ATRNL1: variants seen among roughly 807,000 people sequenced by gnomAD.
The protein encoded by ATRNL1 is attractin-like protein 1.
A neutral mutation model predicts 182.7 loss-of-function variants in ATRNL1; 95 were observed. The observed-to-expected ratio is 0.52, with a 90% confidence interval of 0.44 to 0.62. The LOEUF (loss-of-function observed/expected upper bound fraction) is 0.62, where lower values mean the gene tolerates loss of function less well. Among genes scored for constraint, ATRNL1 ranks in the 20% least tolerant of loss-of-function variants. The pLI, the probability that ATRNL1 is intolerant of heterozygous loss-of-function variation, is 0.00. For missense variants in ATRNL1, 1,471 were observed against 1,679.5 expected, an observed-to-expected ratio of 0.88 and a Z score of 2.17; for synonymous variants, 576 against 568.3, an observed-to-expected ratio of 1.01 and a Z score of -0.19.
intron 20 of ATRNL1, among the ~76,000 whole-genome samples, chr10:115,395,449 G>T (rs562260639): frequency 1.6e-3 from 249 of 151,930 alleles, no homozygotes; most frequent in South Asian, 3.3e-3. Flanking sequence ...CATAGAACAT[G>T]TTATCTTTTG....
intron 1 of ATRNL1, among the ~76,000 whole-genome samples, chr10:115,113,703 A>C (rs1844356923): frequency 6.6e-6 from 1 of 152,160 alleles, no homozygotes; most frequent in African/African-American, 2.4e-5. Context: ...TGGAACTGTA[A>C]GTCCATTAAA....
At chr10:115,187,199 G>A (rs1272268425) in intron 8 of ATRNL1, among the ~76,000 whole-genome samples, 1 of 150,648 alleles carries the variant, frequency 6.6e-6, no homozygotes, top group Admixed American at 6.6e-5. Flanking sequence ...TAACAAAAAT[G>A]AGCAGCAGAG....
chr10:115,644,976 A>G (rs1413614933), intron 26 of ATRNL1, among the ~76,000 whole-genome samples: 1 of 152,134 alleles, frequency 6.6e-6, no homozygotes, highest in East Asian at 1.9e-4. Context: ...GTCACTTGCA[A>G]GATAGAAAGG....
At chr10:115,497,505 A>G (rs1048675269) in intron 24 of ATRNL1, among the ~76,000 whole-genome samples, 1 of 151,882 alleles carries the variant, frequency 6.6e-6, no homozygotes, top group Non-Finnish European at 1.5e-5. Flanking sequence ...CATGGGTCAC[A>G]TTTTTTCCTT....
chr10:115,308,969 A>T (rs1284336903), intron 17 of ATRNL1, among the ~76,000 whole-genome samples: 2 of 152,092 alleles, frequency 1.3e-5, no homozygotes, highest in South Asian at 2.1e-4. Flanking sequence ...ATTCTTCTAC[A>T]TATGTTGATC....
intron 21 of ATRNL1, among the ~76,000 whole-genome samples, chr10:115,461,271 A>G (rs1286830215): frequency 6.6e-6 from 1 of 152,020 alleles, no homozygotes; most frequent in Non-Finnish European, 1.5e-5. Flanking sequence ...TAATATGCAT[A>G]GCCACTCATG....
intron 21 of ATRNL1, among the ~76,000 whole-genome samples, chr10:115,439,367 G>T (rs1236980944): frequency 2.6e-5 from 4 of 151,748 alleles, no homozygotes; most frequent in African/African-American, 9.7e-5. Flanking sequence ...ACATGTTGAA[G>T]ATCAAGGATT....
At chr10:115,764,488 C>T (rs1555074446) in intron 27 of ATRNL1, among the ~76,000 whole-genome samples, 1 of 152,126 alleles carries the variant, frequency 6.6e-6, no homozygotes. Flanking sequence ...CTCCTGCTCC[C>T]ACCAACCCCT....
In ATRNL1 at chr10:115,171,311, G is replaced by A; in HGVS notation, c.1348+19G>A. The stretch of plus-strand genomic sequence containing the variant: ...CATATCTGTGAGTTACTTAAAAATT[G>A]TAATTTCTTTATTGATTGGGAATGT... On this transcript the variant is annotated intron_variant, in intron 8 of 28. Coordinates refer to ENST00000355044, the MANE Select transcript of ATRNL1 (RefSeq NM_207303.4). 3 of 1,521,836 alleles carry A rather than the reference G, an allele frequency of 2.0e-6. No homozygotes were observed. Among genetic ancestry groups the A allele is most frequent in the African/African-American group, 2.7e-5 (2 of 72,796 alleles). The allele number at this position is 1,521,836 out of a possible 1,614,324, so 94.3% of individuals were successfully genotyped here. A position where few individuals can be genotyped will look rare whatever the true frequency, so the allele number is the denominator to read the frequency against.
At chr10:115,268,250 T>G in intron 12 of ATRNL1, 76 bp from the exon 13 acceptor site, 1 of 848,798 alleles carries the variant, frequency 1.2e-6, no homozygotes, top group Non-Finnish European at 2.0e-6. Flanking sequence ...TAATGATTCT[T>G]AAATAGATAT....
chr10:115,634,108 GAAAATT>G (rs1858708231), intron 26 of ATRNL1, among the ~76,000 whole-genome samples: 1 of 152,002 alleles, frequency 6.6e-6, no homozygotes, highest in African/African-American at 2.4e-5. Context: ...ACCGAGCTCT[GAAAATT>G]AAAATTAGCG....
chr10:115,166,970 A>G (rs1293879961), intron 7 of ATRNL1, among the ~76,000 whole-genome samples: 1 of 151,866 alleles, frequency 6.6e-6, no homozygotes, highest in African/African-American at 2.4e-5. Flanking sequence ...GCAAGAAATC[A>G]TTGCTAGATC....
At chr10:115,518,860 T>C (rs2133699315) in intron 24 of ATRNL1, among the ~76,000 whole-genome samples, 1 of 135,522 alleles carries the variant, frequency 7.4e-6, no homozygotes, top group South Asian at 2.3e-4. Context: ...ATTTGAATGG[T>C]GTGTAACAAA....
In ATRNL1 at chr10:115,281,497, T is replaced by G. The variant is rs2133925445; in HGVS notation, c.2233+10T>G. The stretch of plus-strand genomic sequence containing the variant: ...TGCCAGGCTTTACCAGGTAAAGATT[T>G]CAAAATTTAGTAAATGAGTTTATGG... On this transcript the variant is annotated intron_variant, in intron 14 of 28. Transcript: ENST00000355044. 1.9e-6 allele frequency: 3 copies of G among 1,611,876 alleles called. No individual in the cohort carries two copies. The highest frequency in any genetic ancestry group is 1.3e-5 in the African/African-American group (1 of 74,930).
intron 26 of ATRNL1, among the ~76,000 whole-genome samples, chr10:115,710,247 G>A (rs1394889403): frequency 1.3e-5 from 2 of 152,072 alleles, no homozygotes; most frequent in Admixed American, 6.6e-5. Context: ...TGATAGTCCT[G>A]ACATGGAAAA....
At chr10:115,846,342 A>G (rs1589596831) in intron 27 of ATRNL1, among the ~76,000 whole-genome samples, 1 of 152,092 alleles carries the variant, frequency 6.6e-6, no homozygotes, top group Non-Finnish European at 1.5e-5. Context: ...CAGAAATTTC[A>G]GTCCAAGTTT....
chr10:115,258,898 T>G (rs1408827834), intron 10 of ATRNL1, among the ~76,000 whole-genome samples: 1 of 152,220 alleles, frequency 6.6e-6, no homozygotes, highest in Admixed American at 6.5e-5. Flanking sequence ...TGTTGGAGTT[T>G]GCTGGAGGTT....
In ATRNL1 at chr10:115,928,892, A is replaced by T. The variant is rs529081366; in HGVS notation, c.4019-15766A>T. Among the ~76,000 whole-genome samples the T allele has an allele frequency of 1.5e-3, 223 of 152,092 alleles. 2 individuals carry two copies. The highest frequency in any genetic ancestry group is 2.0e-3 in the Non-Finnish European group (137 of 67,880). On this transcript the variant is annotated intron_variant, in intron 28 of 28. Coordinates refer to ENST00000355044, the MANE Select transcript of ATRNL1 (RefSeq NM_207303.4). ...AGATTTTAAGAATGATTTTAGAAAC[A>T]TGTCCTTTAAATTTGATTCTCTCAT...
At chr10:115,268,518 T>C in intron 13 of ATRNL1, 74 bp downstream of exon 13, 3 of 1,045,318 alleles carry the variant, frequency 2.9e-6, no homozygotes, top group Non-Finnish European at 4.5e-6. Context: ...TACCATTTAG[T>C]AGCACTGTAG....
Sources: allele counts gnomAD v4.1 joint callset (sites outside exome capture counted in the v4.1 genomes callset), GRCh38; gene constraint gnomAD v4.1.1; transcripts MANE v1.5; gene names NCBI Gene and HGNC (gene_info 2026-07-23, HGNC 2026-07-21).